GPBP1L1: variants seen among roughly 807,000 people sequenced by gnomAD.
GPBP1L1 encodes the protein vasculin-like protein 1.
In GPBP1L1, 23 loss-of-function variants were observed where a neutral mutation model predicts 52.5. The ratio of observed to expected loss-of-function variants is 0.44; its 90% CI spans 0.32 to 0.62. The LOEUF is 0.62. Among genes scored for constraint, GPBP1L1 ranks in the 20% least tolerant of loss-of-function variants. The pLI is 0.06. For missense variants in GPBP1L1, 596 were observed against 579.3 expected (o/e 1.03, Z -0.30); for synonymous variants, 243 against 203.1 (o/e 1.20, Z -1.67).
intron 2 of GPBP1L1, among the ~76,000 whole-genome samples, chr1:45,684,258 C>CAAAAAAAAAAAAAAAAAAA (rs60624036): frequency 2.0e-4 from 18 of 88,442 alleles, no homozygotes; most frequent in South Asian, 8.0e-4. Flanking sequence ...AACTCCGTCT[C>CAAAAAAAAAAAAAAAAAAA]AAAAAAAAAA....
At chr1:45,664,061 G>A (rs984486342) in intron 2 of GPBP1L1, among the ~76,000 whole-genome samples, 15 of 152,178 alleles carry the variant, frequency 9.9e-5, no homozygotes, top group Middle Eastern at 3.4e-3. Flanking sequence ...GGCCAGGCGC[G>A]GTGGCTCACG....
chr1:45,685,772 A>G (rs896405508), intron 1 of GPBP1L1, among the ~76,000 whole-genome samples, 152 bp from the exon 2 acceptor site: 2 of 152,192 alleles, frequency 1.3e-5, no homozygotes, highest in African/African-American at 4.8e-5. Flanking sequence ...TTCGAATTTC[A>G]CGGGTTGGGG....
At chr1:45,633,696 C>T (rs763518820) in intron 9 of GPBP1L1, 49 bp from the exon 10 acceptor site, 4 of 1,583,238 alleles carry the variant, frequency 2.5e-6, no homozygotes, top group Admixed American at 1.8e-5. Flanking sequence ...AGAGCAAGAA[C>T]TGGGGTTCTC....
chr1:45,681,507 A>G (rs1645211992), intron 2 of GPBP1L1, among the ~76,000 whole-genome samples: 1 of 152,222 alleles, frequency 6.6e-6, no homozygotes, highest in Non-Finnish European at 1.5e-5. Context: ...CAAATAAATT[A>G]CAAAGGTCAA....
intron 2 of GPBP1L1, among the ~76,000 whole-genome samples, chr1:45,671,001 C>A (rs1023199405): frequency 6.6e-6 from 1 of 151,820 alleles, no homozygotes; most frequent in Non-Finnish European, 1.5e-5. Context: ...ACTGTGTTAG[C>A]CAGGCTTGTC....
intron 10 of GPBP1L1, 99 bp from the exon 11 acceptor site, chr1:45,630,705 TCCAAAAGA>T: frequency 7.4e-7 from 1 of 1,355,098 alleles, no homozygotes; most frequent in South Asian, 1.4e-5. Flanking sequence ...GGAAGTGTTT[TCCAAAAGA>T]CAGCCTCAGC....
chr1:45,633,228 T>C (rs1243919921), intron 10 of GPBP1L1, among the ~76,000 whole-genome samples: 2 of 152,208 alleles, frequency 1.3e-5, no homozygotes, highest in African/African-American at 4.8e-5. Context: ...TGCAGTTTTA[T>C]TCATAGTTGC....
intron 2 of GPBP1L1, among the ~76,000 whole-genome samples, chr1:45,665,498 C>T (rs1644998492): frequency 1.3e-5 from 2 of 151,970 alleles, no homozygotes; most frequent in Non-Finnish European, 1.5e-5. Context: ...CACTTGTAAT[C>T]CCAGCACTTT....
upstream of GPBP1L1, chr1:45,687,955 A>T (rs2148537453): frequency 6.6e-6 from 1 of 152,298 alleles, no homozygotes; most frequent in South Asian, 2.1e-4. Context: ...TCATTCTGAG[A>T]TTGTTTCAGT....
At chr1:45,673,634 G>C (rs896141045) in intron 2 of GPBP1L1, among the ~76,000 whole-genome samples, 3 of 152,196 alleles carry the variant, frequency 2.0e-5, no homozygotes, top group Non-Finnish European at 4.4e-5. Context: ...GGCCAATGCA[G>C]GCGGATCACA....
chr1:45,650,107 T>C, intron 6 of GPBP1L1, among the ~76,000 whole-genome samples: 1 of 152,220 alleles, frequency 6.6e-6, no homozygotes, highest in East Asian at 1.9e-4. Flanking sequence ...CTGCTTTTAC[T>C]GGATAATTGG....
intron 4 of GPBP1L1, among the ~76,000 whole-genome samples, chr1:45,657,797 G>A (rs1413887711): frequency 1.3e-5 from 2 of 152,142 alleles, no homozygotes; most frequent in Non-Finnish European, 2.9e-5. Flanking sequence ...AGGCTGTAAT[G>A]AATTATGACC....
intron 4 of GPBP1L1, among the ~76,000 whole-genome samples, chr1:45,657,104 T>C (rs1041080636): frequency 4.6e-5 from 7 of 152,238 alleles, no homozygotes; most frequent in African/African-American, 1.2e-4. Flanking sequence ...TAATTCTTTT[T>C]ACTTAAGTTC....
intron 6 of GPBP1L1, among the ~76,000 whole-genome samples, chr1:45,652,575 T>C (rs183709303): frequency 6.6e-6 from 1 of 152,318 alleles, no homozygotes; most frequent in African/African-American, 2.4e-5. Context: ...ATATGCACAG[T>C]TGGCTATGGT....
intron 2 of GPBP1L1, among the ~76,000 whole-genome samples, chr1:45,666,165 C>G (rs2148493929): frequency 6.6e-6 from 1 of 151,042 alleles, no homozygotes; most frequent in East Asian, 2.0e-4. Context: ...TTCTGTCACC[C>G]AGGCTGGAGT....
chr1:45,688,109 T>C (rs1645312081), upstream of GPBP1L1: 1 of 152,130 alleles, frequency 6.6e-6, no homozygotes, highest in African/African-American at 2.4e-5. Context: ...TAGGAACCAA[T>C]TAGCGCAGGT....
chr1:45,659,412 G>C (rs1644920989), intron 3 of GPBP1L1, among the ~76,000 whole-genome samples: 1 of 152,192 alleles, frequency 6.6e-6, no homozygotes, highest in South Asian at 2.1e-4. Flanking sequence ...TGCCCAGGCT[G>C]ATCTTGAACT....
At chr1:45,633,438 G>A (rs1644555190) in intron 10 of GPBP1L1, 51 bp downstream of exon 10, 6 of 1,580,228 alleles carry the variant, frequency 3.8e-6, no homozygotes, top group South Asian at 1.1e-5. Context: ...AATCACGTAT[G>A]TATCAAAGGA....
chr1:45,638,139 T>G (rs536271070), intron 8 of GPBP1L1, among the ~76,000 whole-genome samples: 5 of 152,258 alleles, frequency 3.3e-5, no homozygotes, highest in Non-Finnish European at 5.9e-5. Flanking sequence ...ATAACTGTAC[T>G]TGTCAATTAG....
Sources: allele counts gnomAD v4.1 joint callset (sites outside exome capture counted in the v4.1 genomes callset), GRCh38; gene constraint gnomAD v4.1.1; transcripts MANE v1.5; gene names NCBI Gene and HGNC (gene_info 2026-07-23, HGNC 2026-07-21).